Variants in FGF14 observed in about 807,000 individuals in gnomAD.
FGF14 encodes fibroblast growth factor 14, also known as fibroblast growth factor homologous factor 4.
A neutral mutation model predicts 25.5 loss-of-function variants in FGF14; 5 were observed. That is an observed-to-expected ratio of 0.20 (90% CI 0.10 to 0.41). The LOEUF (loss-of-function observed/expected upper bound fraction) is 0.41, where lower values mean the gene tolerates loss of function less well. Among genes scored for constraint, FGF14 ranks in the 10% least tolerant of loss-of-function variants. FGF14 has a pLI of 1.00. For synonymous variants in FGF14, 138 were observed against 118.3 expected (o/e 1.17, Z -1.08); for missense variants, 222 against 320.1 (o/e 0.69, Z 2.34).
In FGF14 at chr13:102,014,533, C is replaced by T. The variant is rs373706919; in HGVS notation, c.209-139237G>A. 4.6e-5 allele frequency among the ~76,000 whole-genome samples: 7 copies of T among 152,194 alleles called. No homozygotes were observed. The South Asian group carries it at 1.4e-3, about 32-fold the overall frequency. ...AACTAAAGCAAACAAAAATGATAAGCAATGCAGAGGAACCAATTATCGAAA... is the reference window on the plus strand; with the variant it reads ...AACTAAAGCAAACAAAAATGATAAGTAATGCAGAGGAACCAATTATCGAAA... On this transcript the variant is annotated intron_variant, in intron 1 of 4. Coordinates refer to the FGF14 transcript ENST00000376131.
At chr13:102,092,093 T>C (rs1361215656) in intron 1 of FGF14, among the ~76,000 whole-genome samples, 2 of 152,214 alleles carry the variant, frequency 1.3e-5, no homozygotes, top group Non-Finnish European at 2.9e-5. Flanking sequence ...ACTAGCAGCA[T>C]TGCCATTGCT....
intron 1 of FGF14, among the ~76,000 whole-genome samples, chr13:101,896,884 G>A (rs952717591): frequency 2.6e-5 from 4 of 152,050 alleles, no homozygotes; most frequent in African/African-American, 9.7e-5. Context: ...CTATGTTTTG[G>A]GGTAACTTTA....
chr13:102,250,857 A>G (rs1241905612), intron 1 of FGF14, among the ~76,000 whole-genome samples: 1 of 152,202 alleles, frequency 6.6e-6, no homozygotes, highest in Non-Finnish European at 1.5e-5. Flanking sequence ...CTTACTCCAA[A>G]GAAGGACCTA....
At chr13:102,176,355 A>G (rs570468724) in intron 1 of FGF14, among the ~76,000 whole-genome samples, 26 of 152,226 alleles carry the variant, frequency 1.7e-4, no homozygotes, top group South Asian at 6.2e-4. Flanking sequence ...CTTATAAGTG[A>G]GAGCTAAACA....
At chr13:102,130,390 C>A (rs188814666) in intron 1 of FGF14, among the ~76,000 whole-genome samples, 51 of 152,190 alleles carry the variant, frequency 3.4e-4, no homozygotes, top group Middle Eastern at 3.4e-3. Flanking sequence ...CATCTTTGCC[C>A]GAAATGATGG....
intron 3 of FGF14, among the ~76,000 whole-genome samples, chr13:101,793,184 C>T (rs1054688815): frequency 6.6e-5 from 10 of 152,088 alleles, no homozygotes; most frequent in Non-Finnish European, 8.8e-5. Context: ...CCTTCCACCC[C>T]CCAGCCTCTG....
intron 1 of FGF14, among the ~76,000 whole-genome samples, chr13:102,202,370 C>T (rs1487838323): frequency 6.6e-6 from 1 of 152,088 alleles, no homozygotes; most frequent in Non-Finnish European, 1.5e-5. Context: ...AAGTTGGTAA[C>T]ACTAGTTCTC....
At position 101,722,604 on chromosome 13, in the gene FGF14, G is replaced by A; in HGVS notation, c.*227C>T. 1.7e-6 allele frequency: 1 copy of A among 585,720 alleles called. No individual in the cohort carries two copies. The highest frequency in any genetic ancestry group is 3.1e-6 in the Non-Finnish European group (1 of 327,500). 36.3% of individuals were successfully genotyped at this position (585,720 alleles called of 1,614,324 possible). ...TTAAAAAGGCATTCCATATCTGGTA[G>A]GGCATTCCATGGTCTGAGTTTAGCT... On this transcript the variant is annotated 3_prime_UTR_variant, in exon 5 of 5. Transcript: ENST00000376143.
intron 1 of FGF14, among the ~76,000 whole-genome samples, chr13:102,247,004 C>T (rs1053477364): frequency 2.6e-5 from 4 of 152,014 alleles, no homozygotes; most frequent in African/African-American, 7.2e-5. Context: ...ACTCTCTATT[C>T]AATAAATGGT....
intron 1 of FGF14, among the ~76,000 whole-genome samples, chr13:102,137,728 C>T (rs1335836235): frequency 1.3e-5 from 2 of 152,138 alleles, no homozygotes; most frequent in African/African-American, 4.8e-5. Context: ...TCTGATAACA[C>T]AAACCTTGTG....
intron 1 of FGF14, among the ~76,000 whole-genome samples, chr13:102,163,840 C>A (rs570171605): frequency 1.1e-4 from 16 of 152,028 alleles, no homozygotes; most frequent in East Asian, 5.8e-4. Context: ...TTGCCCCCCC[C>A]AGAAAACATT....
At chr13:102,311,629 A>G (rs1207797138) in intron 1 of FGF14, among the ~76,000 whole-genome samples, 1 of 152,186 alleles carries the variant, frequency 6.6e-6, no homozygotes, top group African/African-American at 2.4e-5. Context: ...AAGTAAGCAG[A>G]AGAGATTAAG....
At chr13:101,785,971 T>C (rs2039800203) in intron 3 of FGF14, among the ~76,000 whole-genome samples, 1 of 152,200 alleles carries the variant, frequency 6.6e-6, no homozygotes, top group Non-Finnish European at 1.5e-5. Flanking sequence ...GATTCATCCA[T>C]GTTCCTGAAG....
intron 3 of FGF14, among the ~76,000 whole-genome samples, chr13:101,841,799 G>A (rs61965162): frequency 0.13 from 20,448 of 151,724 alleles, 1,648 homozygotes; most frequent in East Asian, 0.3. Context: ...CTGGCCCAGT[G>A]TTTTGATCAT....
chr13:102,253,595 A>T lies in FGF14; in HGVS notation c.208+147876T>A, dbSNP rs547148156. ...TCTGTCAGATGGATAGATTGCAAAA[A>T]TTTCCCCCATTCTGTAGGTTGCCTG... On this transcript the variant is annotated intron_variant, in intron 1 of 4. Transcript: ENST00000376131. Among the ~76,000 whole-genome samples the T allele has an allele frequency of 2.0e-5, 3 of 152,154 alleles. No individual in the cohort carries two copies. The South Asian group carries it at 6.2e-4, about 32-fold the overall frequency.
intron 1 of FGF14, among the ~76,000 whole-genome samples, chr13:102,254,315 G>A (rs1026151696): frequency 2.6e-5 from 4 of 152,134 alleles, no homozygotes; most frequent in African/African-American, 9.7e-5. Context: ...TGTTAGAGAT[G>A]GGTAAAGTCA....
intron 1 of FGF14, among the ~76,000 whole-genome samples, chr13:102,259,611 C>A (rs552724323): frequency 2.0e-4 from 30 of 152,298 alleles, no homozygotes; most frequent in South Asian, 1.9e-3. Context: ...CCCTCCCCCC[C>A]ATCCACTCTT....
chr13:102,161,584 AAG>A (rs1410088185), intron 1 of FGF14, among the ~76,000 whole-genome samples: 107 of 2,392 alleles, frequency 0.045, 4 homozygotes, highest in Middle Eastern at 0.12. Context: ...AAAGAAGAAG[AAG>A]AAGAAGAAGA....
In FGF14 at chr13:102,370,905, AT is replaced by A. The variant is rs367658144; in HGVS notation, c.208+30565del. 5.5e-3 allele frequency among the ~76,000 whole-genome samples: 815 copies of A among 149,416 alleles called. 9 individuals are homozygous for A. The highest frequency in any genetic ancestry group is 0.019 in the African/African-American group (777 of 40,654). ...TAGTTCACATACATGAACTATCCCT[AT>A]TTTTTATCCTCATACCTTCTTCCGC... On this transcript the variant is annotated intron_variant, in intron 1 of 4. Transcript: ENST00000376131.
Sources: gnomAD v4.1 joint callset for allele counts (sites outside exome capture counted in the v4.1 genomes callset) on GRCh38, gnomAD v4.1.1 for gene constraint, MANE v1.5 for transcripts, NCBI Gene and HGNC (gene_info 2026-07-23, HGNC 2026-07-21) for gene names.